PACRG: variants seen among roughly 807,000 people sequenced by gnomAD.
PACRG encodes the protein parkin coregulated gene protein.
In PACRG, 29 loss-of-function variants were observed where a neutral mutation model predicts 29.7. The ratio of observed to expected loss-of-function variants is 0.98; its 90% confidence interval spans 0.73 to 1.33. The LOEUF (loss-of-function observed/expected upper bound fraction) is 1.33. PACRG is among the 40% of genes most tolerant of loss of function. The pLI, the probability that PACRG is intolerant of heterozygous loss-of-function variation, is 0.00. For synonymous variants in PACRG, 116 were observed against 118.7 expected (o/e 0.98, Z 0.15); for missense variants, 279 against 316.2 (o/e 0.88, Z 0.89).
chr6:162,902,430 C>G (rs987743797), intron 2 of PACRG, among the ~76,000 whole-genome samples: 1 of 152,152 alleles, frequency 6.6e-6, no homozygotes, highest in Non-Finnish European at 1.5e-5. Context: ...GCAGAAATTT[C>G]AAGCATACAC....
chr6:163,235,407 A>T lies in PACRG; in HGVS notation c.614-79420A>T, dbSNP rs111418564. ...GTAACTGCCTTCCATGAAGCTTGCC[A>T]CTAAAATGTCACTTGACTGAGAGGA... On this transcript the variant is annotated intron_variant, in intron 4 of 4. Coordinates refer to ENST00000366888, the MANE Select transcript of PACRG (RefSeq NM_001080379.2). Among the ~76,000 whole-genome samples, 105 of 152,312 alleles carry T rather than the reference A, an allele frequency of 6.9e-4. 1 individual carries two copies. The highest frequency in any genetic ancestry group is 2.4e-3 in the African/African-American group (100 of 41,574).
At chr6:163,308,752 A>T (rs1042879959) in intron 4 of PACRG, among the ~76,000 whole-genome samples, 5 of 152,140 alleles carry the variant, frequency 3.3e-5, no homozygotes, top group Admixed American at 1.3e-4. Context: ...TGATAATAAT[A>T]AATGCAGTGA....
intron 4 of PACRG, among the ~76,000 whole-genome samples, chr6:163,100,569 C>T (rs1235973943): frequency 6.6e-6 from 1 of 152,182 alleles, no homozygotes; most frequent in African/African-American, 2.4e-5. Context: ...TTAAGCAGTT[C>T]TGCTGGCGGT....
intron 3 of PACRG, among the ~76,000 whole-genome samples, chr6:163,073,506 C>T (rs892804952): frequency 2.6e-5 from 4 of 152,172 alleles, no homozygotes; most frequent in East Asian, 1.9e-4. Context: ...GGAAAATCTC[C>T]AGGACATTGG....
Position 162,737,228 on chromosome 6 carries a change from T to A in PACRG, c.156+8837T>A, listed in dbSNP as rs148035129. Reference sequence around the variant, plus strand: ...TGTCTACCTCCTCATCTGCCAGTGTTGAGGGTCAGGATCTCAGCACCTCTG... The same window carrying A: ...TGTCTACCTCCTCATCTGCCAGTGTAGAGGGTCAGGATCTCAGCACCTCTG... On this transcript the variant is annotated intron_variant, in intron 1 of 4. Coordinates refer to ENST00000366888, the MANE Select transcript of PACRG (RefSeq NM_001080379.2). Among the ~76,000 whole-genome samples, 102 of 152,280 alleles carry A rather than the reference T, an allele frequency of 6.7e-4. No individual in the cohort carries two copies. In the East Asian group the frequency reaches 9.8e-3, roughly 15 times the overall value.
intron 2 of PACRG, among the ~76,000 whole-genome samples, chr6:162,932,508 G>T (rs1432793972): frequency 1.3e-5 from 2 of 151,924 alleles, no homozygotes; most frequent in Non-Finnish European, 2.9e-5. Flanking sequence ...GAAGCAACTG[G>T]GTCCTGGGCT....
chr6:162,982,244 C>T (rs1182528194), intron 2 of PACRG, among the ~76,000 whole-genome samples: 1 of 151,922 alleles, frequency 6.6e-6, no homozygotes. Flanking sequence ...TTACAAAGAA[C>T]CAGCTTTTTG....
At chr6:162,994,311 C>A (rs901163756) in intron 2 of PACRG, among the ~76,000 whole-genome samples, 2 of 150,660 alleles carry the variant, frequency 1.3e-5, no homozygotes, top group African/African-American at 5.0e-5. Flanking sequence ...TGGGAAAGTT[C>A]TCCTGGATAA....
At chr6:163,083,681 AT>A (rs1317313907) in intron 3 of PACRG, among the ~76,000 whole-genome samples, 2 of 152,086 alleles carry the variant, frequency 1.3e-5, no homozygotes, top group African/African-American at 4.8e-5. Flanking sequence ...TGCCGTGCCC[AT>A]TTTTTTAATT....
intron 2 of PACRG, among the ~76,000 whole-genome samples, chr6:162,947,367 C>CATATATATAATATATATAATCATATATA (rs60158969): frequency 3.6e-4 from 15 of 41,854 alleles, no homozygotes; most frequent in African/African-American, 1.1e-3. Flanking sequence ...ATAATGTAAT[C>CATATATATAATATATATAATCATATATA]ATATATAATC....
intron 3 of PACRG, among the ~76,000 whole-genome samples, chr6:163,070,128 A>G (rs1326906696): frequency 1.3e-5 from 2 of 152,170 alleles, no homozygotes; most frequent in African/African-American, 2.4e-5. Flanking sequence ...GAGGGATTTC[A>G]TCAACACAAG....
chr6:162,995,119 C>G (rs2128189742), intron 2 of PACRG, among the ~76,000 whole-genome samples: 1 of 150,930 alleles, frequency 6.6e-6, no homozygotes, highest in African/African-American at 2.5e-5. Context: ...CAGCTGCGTG[C>G]TGGGAGAACC....
At chr6:162,796,361 T>G (rs562986222) in intron 1 of PACRG, among the ~76,000 whole-genome samples, 1 of 152,150 alleles carries the variant, frequency 6.6e-6, no homozygotes, top group Non-Finnish European at 1.5e-5. Context: ...GAGATGTTGG[T>G]CCAGGTTCTG....
At chr6:163,262,379 C>G (rs1783359224) in intron 4 of PACRG, among the ~76,000 whole-genome samples, 1 of 152,186 alleles carries the variant, frequency 6.6e-6, no homozygotes, top group Non-Finnish European at 1.5e-5. Context: ...CTGGGAGGAT[C>G]ACAGGCGGGG....
chr6:162,804,330 G>A lies in PACRG; in HGVS notation c.157-9817G>A, dbSNP rs565826801. ...CCTCATCCAATCGGTCAGGTGCCCC[G>A]AATAATCCTTTAGATTTTTGCTTGA... On this transcript the variant is annotated intron_variant, in intron 1 of 4. Transcript: ENST00000366888. Among the ~76,000 whole-genome samples the A allele has an allele frequency of 3.3e-5, 5 of 152,188 alleles. No homozygotes were observed. In the South Asian group the frequency reaches 6.2e-4, roughly 19 times the overall value.
intron 1 of PACRG, among the ~76,000 whole-genome samples, chr6:162,803,651 G>A (rs529541072): frequency 8.5e-4 from 129 of 152,112 alleles, no homozygotes; most frequent in Non-Finnish European, 1.3e-3. Context: ...ATATATTCCA[G>A]TATAAAGATC....
Position 162,755,082 on chromosome 6 carries a change from A to C in PACRG, c.156+26691A>C, listed in dbSNP as rs143665066. 3.2e-3 allele frequency among the ~76,000 whole-genome samples: 491 copies of C among 152,114 alleles called. 3 individuals carry two copies. The highest frequency in any genetic ancestry group is 0.011 in the African/African-American group (470 of 41,490). On this transcript the variant is annotated intron_variant, in intron 1 of 4. Transcript: ENST00000366888. Reference sequence around the variant, plus strand: ...AGATTATACAGTGTGTTGGCATATAATTTTTCATACTGGTTTCTTATGATC... The same window carrying C: ...AGATTATACAGTGTGTTGGCATATACTTTTTCATACTGGTTTCTTATGATC...
At chr6:163,179,720 AAAAAAT>A (rs1362939427) in intron 4 of PACRG, among the ~76,000 whole-genome samples, 2 of 138,448 alleles carry the variant, frequency 1.4e-5, no homozygotes, top group African/African-American at 2.5e-5. Context: ...AAAAAAAAAA[AAAAAAT>A]TTTCTTACAT....
At chr6:163,020,454 G>T (rs1193169165) in intron 2 of PACRG, among the ~76,000 whole-genome samples, 1 of 152,094 alleles carries the variant, frequency 6.6e-6, no homozygotes, top group Non-Finnish European at 1.5e-5. Flanking sequence ...CTCCCAATCT[G>T]ATTTTTGCAA....
Sources: gnomAD v4.1 joint callset for allele counts (sites outside exome capture counted in the v4.1 genomes callset) on GRCh38, gnomAD v4.1.1 for gene constraint, MANE v1.5 for transcripts, NCBI Gene and HGNC (gene_info 2026-07-23, HGNC 2026-07-21) for gene names.